SNAPC4: variants seen among roughly 807,000 people sequenced by gnomAD.
The protein encoded by SNAPC4 is small nuclear RNA activating complex polypeptide 4.
In SNAPC4, 127 loss-of-function variants were observed where a neutral mutation model predicts 151.3. The ratio of observed to expected loss-of-function variants is 0.84; its 90% CI spans 0.73 to 0.97. SNAPC4 has a LOEUF of 0.97. Among genes scored for constraint, SNAPC4 ranks in the 50% least tolerant of loss-of-function variants. The probability of loss-of-function intolerance (pLI) is 0.00; values close to 1 mark genes in which losing one functional copy is unlikely to be tolerated. For missense variants in SNAPC4, 2,186 were observed against 1,935.0 expected (o/e 1.13, Z -2.43); for synonymous variants, 1,002 against 824.4 (o/e 1.22, Z -3.69).
At chr9:136,381,592 G>T (rs960369120) in intron 18 of SNAPC4, among the ~76,000 whole-genome samples, 200 bp from the exon 19 acceptor site, 1 of 152,184 alleles carries the variant, frequency 6.6e-6, no homozygotes, top group African/African-American at 2.4e-5. Context: ...TCACCACCAA[G>T]CTGCCACATG....
At chr9:136,382,548 A>G (rs1833737900) in intron 16 of SNAPC4, among the ~76,000 whole-genome samples, 1 of 152,164 alleles carries the variant, frequency 6.6e-6, no homozygotes, top group African/African-American at 2.4e-5. Context: ...GGACATTAAC[A>G]GGGTCCCATG....
In SNAPC4 at chr9:136,380,829, C is replaced by G; in HGVS notation, c.2410G>C (p.Gly804Arg). The change falls in exon 20 of 24, where the codon GGC becomes CGC. Residue 804 changes from glycine (G) to arginine (R), a missense_variant. Physicochemically the swap from Gly to Arg is moderately radical, Grantham distance 125. Transcript: ENST00000684778. The part of the protein sequence containing the change: ...FTQLFHIDTA[G>R]CLEVVRERKA... ...CTCTCTCGGACGACCTCCAAGCAGC[C>G]GGCAGTATCGATGTGGAACAGCTGC... 6.2e-7 allele frequency: 1 copy of G among 1,609,970 alleles called. No individual in the cohort carries two copies. Among genetic ancestry groups the G allele is most frequent in the Non-Finnish European group, 8.5e-7 (1 of 1,177,252 alleles).
chr9:136,391,895 C>T (rs755767891), intron 10 of SNAPC4, 47 bp downstream of exon 10: 1 of 1,573,026 alleles, frequency 6.4e-7, no homozygotes, highest in Non-Finnish European at 8.6e-7. Context: ...ATAGGGCCCA[C>T]ACGCCCTCAG....
chr9:136,399,978 G>A (rs1373860672), intron 1 of SNAPC4, among the ~76,000 whole-genome samples, 156 bp downstream of exon 1: 1 of 152,088 alleles, frequency 6.6e-6, no homozygotes, highest in Non-Finnish European at 1.5e-5. Flanking sequence ...GGCCGGACGG[G>A]GGCCACGCCG....
Position 136,388,672 on chromosome 9 carries a change from A to C in SNAPC4, c.976-81T>G, listed in dbSNP as rs1272723551. ...TCTGGCTCTGAGTGCCCCAGGGCAC[A>C]GGTGGGCCCATGAGCCACTGGGGTG... On this transcript the variant is annotated intron_variant, in intron 10 of 23. Transcript: ENST00000684778. The C allele has an allele frequency of 1.9e-6, 3 of 1,561,668 alleles. No individual in the cohort carries two copies. In the East Asian group the frequency reaches 6.7e-5, roughly 35 times the overall value.
chr9:136,378,508 C>T lies in SNAPC4; in HGVS notation c.3319G>A (p.Gly1107Arg). 6.3e-7 allele frequency: 1 copy of T among 1,592,018 alleles called. No homozygotes were observed. Among genetic ancestry groups the T allele is most frequent in the Non-Finnish European group, 8.5e-7 (1 of 1,174,926 alleles). ...GGAGGCAGCAGAGTGGCCAGCAGCCCTGCGGGGCCAGGGGTCCCTGCTGGC... is the reference window on the plus strand; with the variant it reads ...GGAGGCAGCAGAGTGGCCAGCAGCCTTGCGGGGCCAGGGGTCCCTGCTGGC... ...PRPAGTPGPA[G>R]LLATLLPPLT... The change falls in exon 22 of 24, where the codon GGG (glycine) becomes AGG (arginine). Residue 1107 changes from glycine (G) to arginine (R), a missense_variant. Gly to Arg is a moderately radical substitution (Grantham distance 125). Transcript: ENST00000684778.
Position 136,383,828 on chromosome 9 carries a change from C to A in SNAPC4, c.1500+125G>T, listed in dbSNP as rs1344547998. 1.5e-6 allele frequency: 2 copies of A among 1,351,538 alleles called. No homozygotes were observed. The highest frequency in any genetic ancestry group is 1.2e-5 in the South Asian group (1 of 80,660). The allele number at this position is 1,351,538 out of a possible 1,614,324, so 83.7% of individuals were successfully genotyped here. A position where few individuals can be genotyped will look rare whatever the true frequency, so the allele number is the denominator to read the frequency against. On this transcript the variant is annotated intron_variant, in intron 15 of 23. Transcript: ENST00000684778. The surrounding 1 kb of genome is among the most constrained non-coding windows in gnomAD (Gnocchi z 4.2). The stretch of plus-strand genomic sequence containing the variant: ...GGGTCTCCCTTTGCCCTTGGCCACC[C>A]AGAAGAAGAAATGCCAAGACCAGAA...
rs140262570 is a variant in SNAPC4 at position 136,378,353 on chromosome 9, G to T, written c.3474C>A (p.His1158Gln). The change falls in exon 22 of 24, where the codon CAC (histidine) becomes CAA (glutamine). Residue 1158 changes from histidine to glutamine, a missense_variant. His to Gln is a conservative substitution (Grantham distance 24, BLOSUM62 0). Transcript: ENST00000684778. ...CTTCTGCAGGACTTTGGGAGAGGGC[G>T]TGTGTGGGAGGAGCTGGGGTGTCTG... ...CRTDTPAPPT[H>Q]ALSQSPAEAD... The T allele has an allele frequency of 2.5e-6, 4 of 1,609,844 alleles. No individual in the cohort carries two copies. The East Asian group carries it at 8.9e-5, about 36-fold the overall frequency.
Position 136,382,309 on chromosome 9 carries a change from C to A in SNAPC4, c.2011G>T (p.Val671Leu), listed in dbSNP as rs773922306. 2 of 1,613,052 alleles carry A rather than the reference C, an allele frequency of 1.2e-6. No homozygotes were observed. Among genetic ancestry groups the A allele is most frequent in the African/African-American group, 2.7e-5 (2 of 74,940 alleles). Reference sequence around the variant, plus strand: ...CTGAGCACCCTCAGCACGGTCTCCACAGGCACTGTCAGCAGACGCCTCCCA... The same window carrying A: ...CTGAGCACCCTCAGCACGGTCTCCAAAGGCACTGTCAGCAGACGCCTCCCA... The part of the protein sequence containing the change: ...EGGRRLLTVP[V>L]ETVLRVLRAN... Residue 671 changes from valine to leucine, a missense_variant, in exon 17 of 24, where the codon GTG becomes TTG. By Grantham distance (32) the Val-to-Leu change is conservative. Coordinates refer to ENST00000684778, the MANE Select transcript of SNAPC4 (RefSeq NM_003086.4).
chr9:136,383,226 G>A lies in SNAPC4; in HGVS notation c.1943C>T (p.Ala648Val), dbSNP rs1487998881. The change falls in exon 16 of 24, where the codon GCA (alanine) becomes GTA (valine). Residue 648 changes from alanine to valine, a missense_variant. Physicochemically the swap from Ala to Val is moderately conservative, Grantham distance 64. Transcript: ENST00000684778. This position sits in a 1 kb window ranked among gnomAD's most constrained non-coding sequence, Gnocchi z 4.2. The stretch of plus-strand genomic sequence containing the variant: ...CTCTGCGCCCGCCGGGCGAGTGTCT[G>A]CTGAGTGGGAGGCCTGGGCAGACCT... ...VPRSAQASHS[A>V]DTRPAGAEKQ... 1 of 1,572,484 alleles carries A rather than the reference G, an allele frequency of 6.4e-7. No homozygotes were observed. Among genetic ancestry groups the A allele is most frequent in the South Asian group, 1.2e-5 (1 of 86,034 alleles).
chr9:136,377,571 C>T lies in SNAPC4; in HGVS notation c.4256G>A (p.Gly1419Asp), dbSNP rs754449020. 3 of 1,520,982 alleles carry T rather than the reference C, an allele frequency of 2.0e-6. No individual in the cohort carries two copies. In the African/African-American group the frequency reaches 4.2e-5, roughly 21 times the overall value. 94.2% of individuals were successfully genotyped at this position (1,520,982 alleles called of 1,614,324 possible). Residue 1419 changes from glycine (G) to aspartate (D), a missense_variant, in exon 22 of 24, where the codon GGC becomes GAC. By Grantham distance (94) the Gly-to-Asp change is moderately conservative. Transcript: ENST00000684778. ...LELADRDGQP[G>D]CTTATCPIQG... ...AATGGGGCATGTGGCTGTCGTGCAG[C>T]CCGGCTGCCCGTCCCTGTCTGCAAG... is the stretch of plus-strand genomic sequence containing the variant.
Position 136,379,203 on chromosome 9 carries a change from A to G in SNAPC4, c.2624T>C (p.Leu875Pro), listed in dbSNP as rs1260519065. 1 of 1,609,650 alleles carries G rather than the reference A, an allele frequency of 6.2e-7. No homozygotes were observed. Among genetic ancestry groups the G allele is most frequent in the Non-Finnish European group, 8.5e-7 (1 of 1,178,886 alleles). Residue 875 changes from leucine to proline, a missense_variant, in exon 22 of 24, where the codon CTA becomes CCA. By Grantham distance (98) the Leu-to-Pro change is moderately conservative. Coordinates refer to ENST00000684778, the MANE Select transcript of SNAPC4 (RefSeq NM_003086.4). ...RLASSRVERT[L>P]PQASLLASTG... is the part of the protein sequence containing the mutation. ...TGAAGCCAGCAGGGACGCCTGGGGT[A>G]GGGTGCGCTCCACCCGGCTGGACGC...
intron 10 of SNAPC4, among the ~76,000 whole-genome samples, chr9:136,391,395 A>T (rs1834069031): frequency 1.3e-5 from 2 of 152,198 alleles, no homozygotes; most frequent in South Asian, 4.1e-4. Context: ...AAAAACGGAA[A>T]CATACACTCC....
intron 19 of SNAPC4, 85 bp downstream of exon 19, chr9:136,381,237 G>A (rs916056444): frequency 5.7e-6 from 6 of 1,051,628 alleles, no homozygotes; most frequent in Admixed American, 5.5e-5. Context: ...TAGACTTTAA[G>A]GAATGAATCT....
rs1412358940 is a variant in SNAPC4 at position 136,394,322 on chromosome 9, A to G, written c.559T>C (p.Trp187Arg). ...EELLVTKWKNWEKALLRKSVV... is the reference protein window; with the variant it reads ...EELLVTKWKNREKALLRKSVV... ...GACTTTCGGAGCAAGGCCTTTTCCC[A>G]GTTTTTCCCTGAGGAGAAGCCACAG... is the stretch of plus-strand genomic sequence containing the variant. Residue 187 changes from tryptophan (W) to arginine (R), a missense_variant, in exon 7 of 24, where the codon TGG (tryptophan) becomes CGG (arginine). Physicochemically the swap from Trp to Arg is moderately radical, Grantham distance 101 (BLOSUM62 -3). Coordinates refer to ENST00000684778, the MANE Select transcript of SNAPC4 (RefSeq NM_003086.4). The G allele has an allele frequency of 1.2e-6, 2 of 1,613,672 alleles. No individual in the cohort carries two copies. Among genetic ancestry groups the G allele is most frequent in the Non-Finnish European group, 8.5e-7 (1 of 1,179,844 alleles).
intron 9 of SNAPC4, 27 bp from the exon 10 acceptor site, chr9:136,392,133 G>C (rs1480345220): frequency 6.2e-7 from 1 of 1,609,462 alleles, no homozygotes; most frequent in South Asian, 1.1e-5. Flanking sequence ...ACTCAGCCTT[G>C]CAGGCCACTG....
intron 19 of SNAPC4, 50 bp from the exon 20 acceptor site, chr9:136,380,900 C>G (rs759938186): frequency 8.8e-7 from 1 of 1,140,708 alleles, no homozygotes; most frequent in Non-Finnish European, 1.3e-6. Context: ...GGGAGCAGCT[C>G]CGAAGCTCCA....
rs773299156 is a variant in SNAPC4, at chr9:136,378,110, C to G, written c.3717G>C (p.Lys1239Asn). The G allele has an allele frequency of 6.3e-7, 1 of 1,596,348 alleles. No individual in the cohort carries two copies. The highest frequency in any genetic ancestry group is 8.5e-7 in the Non-Finnish European group (1 of 1,172,676). The change falls in exon 22 of 24, where the codon AAG (lysine) becomes AAC (asparagine). Residue 1239 changes from lysine to asparagine, a missense_variant. Transcript: ENST00000684778. ...CAGGCCCAGGCTGGCGCAGGGGCAGCTTCTCCAGGCCCAGAGGCCCCCTGG... is the reference window on the plus strand; with the variant it reads ...CAGGCCCAGGCTGGCGCAGGGGCAGGTTCTCCAGGCCCAGAGGCCCCCTGG... The part of the protein sequence containing the change: ...QEPRGPLGLE[K>N]LPLRQPGPEK...
In SNAPC4 at chr9:136,377,862, T is replaced by G. The variant is rs750371509; in HGVS notation, c.3965A>C (p.Lys1322Thr). 2 of 1,611,514 alleles carry G rather than the reference T, an allele frequency of 1.2e-6. No individual in the cohort carries two copies. The highest frequency in any genetic ancestry group is 2.2e-5 in the East Asian group (1 of 44,872). Residue 1322 changes from lysine to threonine, a missense_variant, in exon 22 of 24, where the codon AAG becomes ACG. Lys to Thr is a moderately conservative substitution (Grantham distance 78). Transcript: ENST00000684778. ...RALSGLLLHKKALEHKATSLV... is the reference protein window; with the variant it reads ...RALSGLLLHKTALEHKATSLV... The stretch of plus-strand genomic sequence containing the variant: ...GGAGGTGGCCTTGTGCTCCAGGGCC[T>G]TCTTGTGGAGTAGGAGACCGGACAG...
Sources: allele counts gnomAD v4.1 joint callset (sites outside exome capture counted in the v4.1 genomes callset), GRCh38; gene constraint gnomAD v4.1.1; non-coding constraint Gnocchi (gnomAD v3.1); transcripts MANE v1.5; gene names NCBI Gene and HGNC (gene_info 2026-07-23, HGNC 2026-07-21).